CBFA2T3: variants seen among roughly 807,000 people sequenced by gnomAD.
The protein encoded by CBFA2T3 is transcriptional corepressor CBFA2T3.
Under a neutral mutation model 58.6 loss-of-function variants are expected in CBFA2T3, and 31 were observed. The observed-to-expected ratio is 0.53, with a 90% CI of 0.40 to 0.71. The LOEUF is 0.71. Among genes scored for constraint, CBFA2T3 ranks in the 30% least tolerant of loss-of-function variants. CBFA2T3 has a pLI of 0.00. For synonymous variants in CBFA2T3, 531 were observed against 421.9 expected (o/e 1.26, Z -3.17); for missense variants, 1,076 against 963.1 (o/e 1.12, Z -1.55).
chr16:88,908,341 CAAA>C (rs758798172), intron 1 of CBFA2T3, among the ~76,000 whole-genome samples: 4 of 128,954 alleles, frequency 3.1e-5, no homozygotes, highest in Non-Finnish European at 3.4e-5. Context: ...GACTCTGTTT[CAAA>C]AAAAAAAAAA....
chr16:88,976,541 G>A (rs112705499), intron 1 of CBFA2T3, 116 bp downstream of exon 1: 56 of 757,900 alleles, frequency 7.4e-5, no homozygotes, highest in African/African-American at 5.0e-4. Flanking sequence ...ACGGCCATCC[G>A]TGCCGGCACT....
intron 1 of CBFA2T3, among the ~76,000 whole-genome samples, chr16:88,949,565 A>G (rs925798154): frequency 3.3e-5 from 5 of 151,896 alleles, no homozygotes; most frequent in Non-Finnish European, 7.4e-5. Context: ...GTCTCAAAAA[A>G]AAAAAAAAGA....
Position 88,907,527 on chromosome 16 carries a change from G to T in CBFA2T3, c.152-5871C>A, listed in dbSNP as rs139543056. ...ACTCTGTCCTCACGGATTCTTCCGC[G>T]GCCCTGAGATCCTGCGCTTCTCTAT... On this transcript the variant is annotated intron_variant, in intron 1 of 11. Transcript: ENST00000268679. 3.8e-3 allele frequency among the ~76,000 whole-genome samples: 577 copies of T among 150,994 alleles called. 5 individuals are homozygous for T. Among genetic ancestry groups the T allele is most frequent in the Admixed American group, 7.3e-3 (111 of 15,230 alleles).
intron 1 of CBFA2T3, among the ~76,000 whole-genome samples, chr16:88,965,264 G>C (rs1003026043): frequency 5.3e-5 from 8 of 152,330 alleles, no homozygotes; most frequent in Middle Eastern, 3.4e-3. Context: ...GTGAGGACCA[G>C]TTCTGCCCTT....
At chr16:88,905,728 G>A (rs1471908680) in intron 1 of CBFA2T3, among the ~76,000 whole-genome samples, 7 of 134,928 alleles carry the variant, frequency 5.2e-5, no homozygotes, top group Non-Finnish European at 1.1e-4. Flanking sequence ...CGGGGCTGAA[G>A]GAGGGGCGGG....
At chr16:88,974,444 T>C (rs1972740319) in intron 1 of CBFA2T3, among the ~76,000 whole-genome samples, 1 of 151,926 alleles carries the variant, frequency 6.6e-6, no homozygotes, top group African/African-American at 2.4e-5. Flanking sequence ...TTCTGATTGC[T>C]TACACCTCAG....
At chr16:88,886,333 T>G in intron 5 of CBFA2T3, 191 bp from the exon 6 acceptor site, 14 of 416,280 alleles carry the variant, frequency 3.4e-5, no homozygotes, top group Non-Finnish European at 4.2e-5. Flanking sequence ...CGTGGGAGGG[T>G]GGGCACAGAG....
chr16:88,906,326 C>T (rs181058134), intron 1 of CBFA2T3, among the ~76,000 whole-genome samples: 2 of 152,236 alleles, frequency 1.3e-5, no homozygotes, highest in Admixed American at 1.3e-4. Flanking sequence ...CGCAGACCCA[C>T]TTCGAGGCTC....
At chr16:88,908,398 C>T (rs138119553) in intron 1 of CBFA2T3, among the ~76,000 whole-genome samples, 2,275 of 152,254 alleles carry the variant, frequency 0.015, 42 homozygotes, top group African/African-American at 0.041. Context: ...GGCCGCTCCC[C>T]GGGGCCCATG....
chr16:88,951,226 C>T (rs1447638094), intron 1 of CBFA2T3: 25 of 434,888 alleles, frequency 5.7e-5, no homozygotes, highest in African/African-American at 3.1e-4. Context: ...GGACCGGCAC[C>T]GGCACAGAGG....
At chr16:88,894,874 C>T (rs989366361) in intron 3 of CBFA2T3, among the ~76,000 whole-genome samples, 9 of 152,388 alleles carry the variant, frequency 5.9e-5, no homozygotes, top group East Asian at 3.9e-4. Context: ...AGGATGGAGA[C>T]GCCCCTGGGC....
intron 1 of CBFA2T3, among the ~76,000 whole-genome samples, chr16:88,936,088 G>C (rs1016575856): frequency 1.3e-5 from 2 of 152,208 alleles, no homozygotes; most frequent in African/African-American, 2.4e-5. Flanking sequence ...AGCTGGAGCT[G>C]CTTCCCCTGC....
chr16:88,954,476 GCCAAGGCTCCTGACCCCGC>G (rs1972164358), intron 1 of CBFA2T3, among the ~76,000 whole-genome samples: 4 of 120,546 alleles, frequency 3.3e-5, no homozygotes, highest in African/African-American at 7.9e-5. Context: ...CCTGACCCCA[GCCAAGGCTCCTGACCCCGC>G]CCAAGGCTCC....
chr16:88,967,026 A>G (rs1972522289), intron 1 of CBFA2T3, among the ~76,000 whole-genome samples: 1 of 152,152 alleles, frequency 6.6e-6, no homozygotes, highest in Non-Finnish European at 1.5e-5. Context: ...TGATTGAAGC[A>G]TTGTTTGTAG....
rs150174485 is a variant in CBFA2T3 at position 88,938,228 on chromosome 16, C to G, written c.152-36572G>C. 2.6e-4 allele frequency: 40 copies of G among 152,480 alleles called. No individual in the cohort carries two copies. The East Asian group carries it at 7.5e-3, about 29-fold the overall frequency. 9.4% of individuals were successfully genotyped at this position (152,480 alleles called of 1,614,324 possible). A position where few individuals can be genotyped will look rare whatever the true frequency, so the allele number is the denominator to read the frequency against. Reference sequence around the variant, plus strand: ...TACAGTGCTAACCCCGAGTCATGACCGAGCCCTCAGCCACCAGATCCCCCA... The same window carrying G: ...TACAGTGCTAACCCCGAGTCATGACGGAGCCCTCAGCCACCAGATCCCCCA... On this transcript the variant is annotated intron_variant, in intron 1 of 11. Transcript: ENST00000268679.
intron 1 of CBFA2T3, among the ~76,000 whole-genome samples, chr16:88,952,062 A>G (rs945005208): frequency 1.3e-5 from 2 of 152,192 alleles, no homozygotes; most frequent in Admixed American, 1.3e-4. Flanking sequence ...CAGCAGCCCC[A>G]GGAGCCTGTG....
intron 1 of CBFA2T3, among the ~76,000 whole-genome samples, chr16:88,956,174 G>T (rs566988306): frequency 6.6e-6 from 1 of 152,240 alleles, no homozygotes; most frequent in Non-Finnish European, 1.5e-5. Flanking sequence ...GAGGGCAGCC[G>T]CCTGGCCCCA....
chr16:88,969,754 G>C (rs1262205051), intron 1 of CBFA2T3, among the ~76,000 whole-genome samples: 1 of 152,214 alleles, frequency 6.6e-6, no homozygotes, highest in Non-Finnish European at 1.5e-5. Flanking sequence ...CAGGTGCCGG[G>C]GGGCAGGTGC....
chr16:88,921,831 A>G (rs954759677), intron 1 of CBFA2T3, among the ~76,000 whole-genome samples: 8 of 152,332 alleles, frequency 5.3e-5, no homozygotes, highest in African/African-American at 1.9e-4. Context: ...CATATGCGCC[A>G]TAGCCTTCGT....
Sources: allele counts gnomAD v4.1 joint callset (sites outside exome capture counted in the v4.1 genomes callset), GRCh38; gene constraint gnomAD v4.1.1; transcripts MANE v1.5; gene names NCBI Gene and HGNC (gene_info 2026-07-23, HGNC 2026-07-21).